Variants in STXBP2 observed in about 807,000 individuals in gnomAD.
STXBP2 encodes the protein syntaxin binding protein 2.
STXBP2 carries 47 observed loss-of-function variants against 72.2 expected under a neutral mutation model. The ratio of observed to expected loss-of-function variants is 0.65; its 90% CI spans 0.51 to 0.83. The LOEUF (loss-of-function observed/expected upper bound fraction) is 0.83. Ranked by LOEUF, STXBP2 falls within the 40% of genes least tolerant of loss-of-function variation. STXBP2 has a pLI of 0.00. For synonymous variants in STXBP2, 367 were observed against 338.7 expected, an observed-to-expected ratio of 1.08 and a Z score of -0.92; for missense variants, 702 against 807.6, an observed-to-expected ratio of 0.87 and a Z score of 1.58.
At chr19:7,645,572 G>A (rs904423347) in intron 15 of STXBP2, among the ~76,000 whole-genome samples, 1 of 141,034 alleles carries the variant, frequency 7.1e-6, no homozygotes, top group African/African-American at 2.7e-5. Flanking sequence ...TTGGGAGCGG[G>A]TGGTCTGAGT....
chr19:7,640,249 T>C, intron 4 of STXBP2: 1 of 548,620 alleles, frequency 1.8e-6, no homozygotes, highest in South Asian at 1.5e-5. Context: ...TGTATCTGTG[T>C]GTGCATGTGT....
At chr19:7,640,031 T>C (rs2031745302) in intron 4 of STXBP2, 2 of 666,002 alleles carry the variant, frequency 3.0e-6, no homozygotes, top group East Asian at 2.9e-5. Context: ...TGTGCATGTG[T>C]GTGCGTCTGT....
chr19:7,640,414 A>C, intron 4 of STXBP2: 1 of 608,428 alleles, frequency 1.6e-6, no homozygotes. Context: ...GTGTGTATGT[A>C]TGTGTGCGCG....
At chr19:7,637,667 G>A (rs2031606131) in intron 1 of STXBP2, among the ~76,000 whole-genome samples, 1 of 152,152 alleles carries the variant, frequency 6.6e-6, no homozygotes, top group African/African-American at 2.4e-5. Context: ...CCATTTCCAG[G>A]AGCGCCTTGC....
At chr19:7,637,332 C>G (rs557604045) in intron 1 of STXBP2, 146 bp downstream of exon 1, 243 of 145,100 alleles carry the variant, frequency 1.7e-3, no homozygotes, top group South Asian at 7.6e-3. Context: ...AGGGGGCGGG[C>G]GGGGACGGGT....
chr19:7,641,977 A>G (rs1321972043), intron 7 of STXBP2, 57 bp from the exon 8 acceptor site: 1 of 1,610,586 alleles, frequency 6.2e-7, no homozygotes, highest in East Asian at 2.2e-5. Context: ...CTCACCTTCA[A>G]ACCCATCCTT....
chr19:7,645,832 T>C (rs1465646334), intron 15 of STXBP2: 6 of 317,254 alleles, frequency 1.9e-5, no homozygotes, highest in Non-Finnish European at 3.6e-5. Context: ...TCCATATCTC[T>C]CTCTCTCACC....
chr19:7,637,707 C>T (rs2031609117), intron 1 of STXBP2, among the ~76,000 whole-genome samples: 1 of 152,180 alleles, frequency 6.6e-6, no homozygotes, highest in Admixed American at 6.5e-5. Context: ...CCAGGCCTCA[C>T]CGGCCCCGGT....
the STXBP2 span, chr19:7,631,639 T>A: frequency 6.9e-7 from 1 of 1,457,342 alleles, no homozygotes; most frequent in Non-Finnish European, 9.1e-7. Flanking sequence ...AGTGTTTTAT[T>A]CTTTTATCAG....
At chr19:7,639,671 C>A in intron 3 of STXBP2, 60 bp from the exon 4 acceptor site, 1 of 1,531,474 alleles carries the variant, frequency 6.5e-7, no homozygotes, top group Non-Finnish European at 9.0e-7. Context: ...ACACCTGAGA[C>A]TCCCCACGTG....
At chr19:7,630,030 TG>T in the STXBP2 span, 27 of 573,586 alleles carry the variant, frequency 4.7e-5, no homozygotes, top group East Asian at 1.3e-4. Flanking sequence ...GACGCTGGGC[TG>T]GGGGGGTTCT....
upstream of STXBP2, chr19:7,631,971 T>C: frequency 5.7e-6 from 4 of 706,896 alleles, no homozygotes; most frequent in Non-Finnish European, 8.2e-6. Context: ...GGCATTTGAG[T>C]GTGAGGTGGC....
At chr19:7,640,231 C>G (rs1362794402) in intron 4 of STXBP2, 2 of 445,196 alleles carry the variant, frequency 4.5e-6, no homozygotes, top group Non-Finnish European at 8.5e-6. Flanking sequence ...TCTGTGTGTG[C>G]GTCTGTGTGT....
chr19:7,632,170 G>A (rs2031340998), upstream of STXBP2: 1 of 700,586 alleles, frequency 1.4e-6, no homozygotes, highest in East Asian at 2.8e-5. This position sits in a 1 kb window ranked among gnomAD's most constrained non-coding sequence, Gnocchi z 5.2. Context: ...AGACTTGGGG[G>A]CAGGAGCCAC....
At chr19:7,640,146 C>CTCTG in intron 4 of STXBP2, 2 of 516,254 alleles carry the variant, frequency 3.9e-6, no homozygotes, top group East Asian at 4.3e-5. Context: ...GTGTGTGCAT[C>CTCTG]TGTGTGCATC....
chr19:7,631,765 A>C, the STXBP2 span: 1 of 1,425,480 alleles, frequency 7.0e-7, no homozygotes, highest in East Asian at 2.6e-5. Flanking sequence ...AGGGGTGAGC[A>C]GGGGTTGGGG....
chr19:7,645,309 A>G lies in STXBP2; in HGVS notation c.1356+3A>G. On this transcript the variant is annotated splice_donor_region_variant and intron_variant, in intron 15 of 18. Coordinates refer to ENST00000221283, the MANE Select transcript of STXBP2 (RefSeq NM_006949.4). ...GAGGCACTGTCACCAACCCCGGGGT[A>G]CGCCAGGAGCGGGCATGGGGGGACC... 1 of 1,578,134 alleles carries G rather than the reference A, an allele frequency of 6.3e-7. No individual in the cohort carries two copies. Among genetic ancestry groups the G allele is most frequent in the Non-Finnish European group, 8.6e-7 (1 of 1,160,864 alleles).
upstream of STXBP2, among the ~76,000 whole-genome samples, chr19:7,634,633 G>A (rs2031460722): frequency 6.6e-6 from 1 of 152,204 alleles, no homozygotes. Flanking sequence ...GCCTCCCAAA[G>A]TGCTGGGATT....
rs573587268 is a variant in STXBP2 at position 7,646,277 on chromosome 19, C to T, written c.1385C>T (p.Pro462Leu). 8.7e-6 allele frequency: 14 copies of T among 1,610,362 alleles called. No homozygotes were observed. The East Asian group carries it at 1.8e-4, about 21-fold the overall frequency. Residue 462 changes from proline (P) to leucine (L), a missense_variant, in exon 16 of 19, where the codon CCG (proline) becomes CTG (leucine). Pro to Leu is a moderately conservative substitution (Grantham distance 98). Transcript: ENST00000221283. ...GGSGTSSRLE[P>L]RERMEPTYQL... ...TCGGGGACCTCCAGCCGGCTGGAGC[C>T]GAGAGAACGCATGGAGCCCACCTAT...
Sources: allele counts gnomAD v4.1 joint callset (sites outside exome capture counted in the v4.1 genomes callset), GRCh38; gene constraint gnomAD v4.1.1; non-coding constraint Gnocchi (gnomAD v3.1); transcripts MANE v1.5; gene names NCBI Gene and HGNC (gene_info 2026-07-23, HGNC 2026-07-21).